ITSN1: variants seen among roughly 807,000 people sequenced by gnomAD.
ITSN1 encodes the protein intersectin-1.
ITSN1 carries 58 observed loss-of-function variants against 239.8 expected under a neutral mutation model. That is an observed-to-expected ratio of 0.24 (90% CI 0.20 to 0.30). The LOEUF (loss-of-function observed/expected upper bound fraction) is 0.30, where lower values mean the gene tolerates loss of function less well. ITSN1 is among the 10% of genes least tolerant of loss of function. The probability of loss-of-function intolerance (pLI) is 1.00; values close to 1 mark genes in which losing one functional copy is unlikely to be tolerated. For synonymous variants in ITSN1, 780 were observed against 770.8 expected (o/e 1.01, Z -0.20); for missense variants, 1,558 against 2,103.3 (o/e 0.74, Z 5.07).
intron 4 of ITSN1, among the ~76,000 whole-genome samples, chr21:33,732,870 A>G (rs903202701): frequency 6.6e-6 from 1 of 152,238 alleles, no homozygotes; most frequent in African/African-American, 2.4e-5. Context: ...GAATACATTT[A>G]GCAAGAAAAG....
intron 29 of ITSN1, among the ~76,000 whole-genome samples, chr21:33,843,381 T>A (rs371458727): frequency 6.6e-6 from 1 of 152,156 alleles, no homozygotes. Context: ...TCCAACACAT[T>A]TTCAACGCAC....
chr21:33,703,509 C>T (rs1011177287), intron 1 of ITSN1, among the ~76,000 whole-genome samples: 1 of 151,910 alleles, frequency 6.6e-6, no homozygotes, highest in Non-Finnish European at 1.5e-5. Flanking sequence ...TTTTTTGTAC[C>T]TAAATAAGGA....
At chr21:33,885,241 G>A in intron 37 of ITSN1, 118 bp downstream of exon 37, 2 of 1,021,460 alleles carry the variant, frequency 2.0e-6, no homozygotes, top group Non-Finnish European at 3.0e-6. Flanking sequence ...GGCATGGAAT[G>A]AGATGGAAGT....
At chr21:33,802,476 A>T (rs368613707) in intron 20 of ITSN1, 32 bp downstream of exon 20, 82 of 1,609,684 alleles carry the variant, frequency 5.1e-5, no homozygotes, top group Non-Finnish European at 6.7e-5. Context: ...GGAAGTCTGC[A>T]TCTTATTCAA....
intron 1 of ITSN1, among the ~76,000 whole-genome samples, chr21:33,688,538 CAG>C (rs1179663788): frequency 6.6e-6 from 1 of 152,146 alleles, no homozygotes; most frequent in Non-Finnish European, 1.5e-5. Context: ...AACCATGTAA[CAG>C]AGGCTGGGAA....
intron 3 of ITSN1, 70 bp downstream of exon 3, chr21:33,721,340 C>A: frequency 1.0e-6 from 1 of 1,002,636 alleles, no homozygotes; most frequent in Non-Finnish European, 1.6e-6. Flanking sequence ...CTCTATCATG[C>A]AAAGACGAGA....
chr21:33,644,503 C>CT (rs771806703), intron 1 of ITSN1, among the ~76,000 whole-genome samples: 2 of 152,022 alleles, frequency 1.3e-5, no homozygotes, highest in African/African-American at 4.8e-5. Flanking sequence ...TCACAAAACT[C>CT]TTTTATTATT....
At chr21:33,811,807 A>G (rs1460664294) in intron 21 of ITSN1, among the ~76,000 whole-genome samples, 1 of 152,228 alleles carries the variant, frequency 6.6e-6, no homozygotes. Context: ...GAAATGATAG[A>G]TGAAATGGTT....
rs538601852 is a variant in ITSN1, at chr21:33,705,185, A to G, written c.-32-13612A>G. Among the ~76,000 whole-genome samples, 43 of 151,758 alleles carry G rather than the reference A, an allele frequency of 2.8e-4. No homozygotes were observed. In the East Asian group the frequency reaches 8.1e-3, roughly 29 times the overall value. On this transcript the variant is annotated intron_variant, in intron 1 of 39. Transcript: ENST00000381318. Reference sequence around the variant, plus strand: ...CACTGAACCAGCCTGTTGTTTTTATATTGGATCAGTATAGCTTTGTACCGT... The same window carrying G: ...CACTGAACCAGCCTGTTGTTTTTATGTTGGATCAGTATAGCTTTGTACCGT...
chr21:33,826,178 A>G (rs1431893672), intron 25 of ITSN1, among the ~76,000 whole-genome samples: 1 of 152,182 alleles, frequency 6.6e-6, no homozygotes, highest in Non-Finnish European at 1.5e-5. Flanking sequence ...GGGAAGAAAT[A>G]TGCTCTGCCT....
intron 4 of ITSN1, among the ~76,000 whole-genome samples, chr21:33,727,067 A>G (rs2065873972): frequency 6.6e-6 from 1 of 152,148 alleles, no homozygotes; most frequent in South Asian, 2.1e-4. Context: ...CTGATTTCCA[A>G]TTAAGAATAC....
chr21:33,785,971 T>G (rs528484311), intron 16 of ITSN1, among the ~76,000 whole-genome samples: 1 of 152,294 alleles, frequency 6.6e-6, no homozygotes, highest in South Asian at 2.1e-4. Context: ...AAACTTTGCT[T>G]TTGGGTTTTA....
At chr21:33,729,959 C>T (rs183385881) in intron 4 of ITSN1, among the ~76,000 whole-genome samples, 1 of 152,264 alleles carries the variant, frequency 6.6e-6, no homozygotes, top group Non-Finnish European at 1.5e-5. Flanking sequence ...TTCAAGATTA[C>T]TTTGTAGTTC....
chr21:33,717,527 GTTAAA>G (rs1022822049), intron 1 of ITSN1, among the ~76,000 whole-genome samples: 1 of 151,946 alleles, frequency 6.6e-6, no homozygotes, highest in African/African-American at 2.4e-5. Flanking sequence ...CATTTACCCT[GTTAAA>G]TTAAACGTAA....
intron 26 of ITSN1, among the ~76,000 whole-genome samples, chr21:33,828,496 GA>G (rs1254866822): frequency 1.3e-5 from 2 of 152,256 alleles, no homozygotes; most frequent in African/African-American, 4.8e-5. Context: ...ATGCAGAACA[GA>G]ATGAGAGCGG....
chr21:33,698,436 A>G lies in ITSN1; in HGVS notation c.-32-20361A>G, dbSNP rs184152578. On this transcript the variant is annotated intron_variant, in intron 1 of 39. Transcript: ENST00000381318. ...GAGTGATCATGATAGTTTGTCAGAT[A>G]TAATGTGGACAATGACCTTTTTCAG... Among the ~76,000 whole-genome samples, 280 of 152,370 alleles carry G rather than the reference A, an allele frequency of 1.8e-3. 1 individual carries two copies. Among genetic ancestry groups the G allele is most frequent in the African/African-American group, 6.5e-3 (272 of 41,594 alleles).
intron 1 of ITSN1, among the ~76,000 whole-genome samples, chr21:33,673,558 G>A (rs2090427352): frequency 6.6e-6 from 1 of 151,146 alleles, no homozygotes; most frequent in African/African-American, 2.5e-5. Flanking sequence ...CTTGCGGAAA[G>A]TTAGGTGGCC....
At chr21:33,814,931 T>G (rs1244235283) in intron 22 of ITSN1, among the ~76,000 whole-genome samples, 1 of 151,678 alleles carries the variant, frequency 6.6e-6, no homozygotes, top group Non-Finnish European at 1.5e-5. Flanking sequence ...GTGAAGAGGT[T>G]GGAGTCACAA....
rs1402259173 is a variant in ITSN1, at chr21:33,889,405, C to G, written c.*1105C>G. 6.6e-6 allele frequency: 1 copy of G among 152,158 alleles called. No individual in the cohort carries two copies. The highest frequency in any genetic ancestry group is 1.5e-5 in the Non-Finnish European group (1 of 68,034). The allele number at this position is 152,158 out of a possible 1,614,324, so 9.4% of individuals were successfully genotyped here. On this transcript the variant is annotated 3_prime_UTR_variant, in exon 40 of 40. Transcript: ENST00000381318. Reference sequence around the variant, plus strand: ...TAGGAGGATGCAAGCCCCGCACATCCCGGGGCAAAGACCTAAGACACTTTT... The same window carrying G: ...TAGGAGGATGCAAGCCCCGCACATCGCGGGGCAAAGACCTAAGACACTTTT...
Sources: gnomAD v4.1 joint callset for allele counts (sites outside exome capture counted in the v4.1 genomes callset) on GRCh38, gnomAD v4.1.1 for gene constraint, MANE v1.5 for transcripts, NCBI Gene and HGNC (gene_info 2026-07-23, HGNC 2026-07-21) for gene names.